The following ARMC8 variants were observed in gnomAD, a reference collection of about 807,000 sequenced individuals.
The protein encoded by ARMC8 is armadillo repeat-containing protein 8.
ARMC8 carries 20 observed loss-of-function variants against 99.3 expected under a neutral mutation model. The ratio of observed to expected loss-of-function variants is 0.20; its 90% CI spans 0.14 to 0.29. ARMC8 has a LOEUF of 0.29. ARMC8 is among the 10% of genes least tolerant of loss of function. The probability of loss-of-function intolerance (pLI) is 1.00; values close to 1 mark genes in which losing one functional copy is unlikely to be tolerated. For synonymous variants in ARMC8, 263 were observed against 278.3 expected, an observed-to-expected ratio of 0.95 and a Z score of 0.55; for missense variants, 569 against 809.5, an observed-to-expected ratio of 0.70 and a Z score of 3.60.
At position 138,288,913 on chromosome 3, in the gene ARMC8, AG is replaced by A. The variant is rs2050684635; in HGVS notation, c.1822-133del. 5 of 645,886 alleles carry A rather than the reference AG, an allele frequency of 7.7e-6. No homozygotes were observed. In the Admixed American group the frequency reaches 1.3e-4, roughly 17 times the overall value. 40.0% of individuals were successfully genotyped at this position (645,886 alleles called of 1,614,324 possible). On this transcript the variant is annotated intron_variant, in intron 19 of 21. Transcript: ENST00000469044. ...TGGTCTCCCAAAGTGCTGGGATTAC[AG>A]GCATGAGCCACCTCACCTGGCCCTG...
Position 138,270,079 on chromosome 3 carries a change from T to C in ARMC8, c.1426T>C (p.Leu476=), listed in dbSNP as rs2048649502. 6.2e-7 allele frequency: 1 copy of C among 1,613,644 alleles called. No individual in the cohort carries two copies. The highest frequency in any genetic ancestry group is 8.5e-7 in the Non-Finnish European group (1 of 1,179,774). Residue 476 remains leucine, a synonymous_variant, in exon 16 of 22, where the codon TTA becomes CTA. Coordinates refer to ENST00000469044, the MANE Select transcript of ARMC8 (RefSeq NM_001363941.2). ...AGGAGCCGTAGAGCTACTTTGTGGA[T>C]TAACTCAGAGTGAAAATCCTGCTTT... is the stretch of plus-strand genomic sequence containing the variant. The part of the protein sequence containing the change: ...ESGAVELLCG[L]TQSENPALRV...
intron 1 of ARMC8, among the ~76,000 whole-genome samples, chr3:138,201,478 C>T (rs1421464439): frequency 1.5e-4 from 6 of 39,882 alleles, no homozygotes; most frequent in East Asian, 1.3e-3. Context: ...TTTTTTTTTT[C>T]CTGAGACAGA....
At chr3:138,201,281 A>C (rs2107989677) in intron 1 of ARMC8, among the ~76,000 whole-genome samples, 1 of 151,496 alleles carries the variant, frequency 6.6e-6, no homozygotes, top group Non-Finnish European at 1.5e-5. Context: ...TGACCAACTC[A>C]GTTAAAAAAT....
intron 1 of ARMC8, among the ~76,000 whole-genome samples, chr3:138,208,099 T>TG (rs60247267): frequency 0.01 from 1,576 of 151,030 alleles, 10 homozygotes; most frequent in East Asian, 0.033. Context: ...TTTTTTTTTT[T>TG]TTGTTGTTGT....
At position 138,241,792 on chromosome 3, in the gene ARMC8, T is replaced by C; in HGVS notation, c.847T>C (p.Cys283Arg). Residue 283 changes from cysteine to arginine, a missense_variant, in exon 11 of 22, where the codon TGT becomes CGT. Cys to Arg is a radical substitution (Grantham distance 180, BLOSUM62 -3). Around this residue, in one of 2 missense-constraint regions of ARMC8, gnomAD observed 342 missense variants for 391.6 expected, o/e 0.87. Coordinates refer to ENST00000469044, the MANE Select transcript of ARMC8 (RefSeq NM_001363941.2). ...DNCIVLKTLP[C>R]LVRMCSKERL... ...TCTCACTACCTTTCAGACATTACCT[T>C]GTTTGGTTCGAATGTGCAGTAAGGA... is the stretch of plus-strand genomic sequence containing the variant. The C allele has an allele frequency of 6.2e-7, 1 of 1,613,796 alleles. No individual in the cohort carries two copies. Among genetic ancestry groups the C allele is most frequent in the Non-Finnish European group, 8.5e-7 (1 of 1,179,856 alleles).
intron 20 of ARMC8, among the ~76,000 whole-genome samples, chr3:138,289,848 C>CT: frequency 6.6e-6 from 1 of 152,270 alleles, no homozygotes; most frequent in East Asian, 1.9e-4. Context: ...TTCTGATTCA[C>CT]TGAGTCTAGA....
chr3:138,260,312 T>C (rs1576805434), intron 12 of ARMC8, among the ~76,000 whole-genome samples: 1 of 152,340 alleles, frequency 6.6e-6, no homozygotes, highest in East Asian at 1.9e-4. Context: ...CTTATTCACC[T>C]GCTGATTACA....
chr3:138,225,334 C>T (rs1000792486), intron 5 of ARMC8, among the ~76,000 whole-genome samples: 4 of 152,138 alleles, frequency 2.6e-5, no homozygotes, highest in Non-Finnish European at 4.4e-5. Context: ...TGGTCTGGAT[C>T]TCCTGACCTC....
In ARMC8 at chr3:138,284,542, CT is replaced by C. The variant is rs1170936511; in HGVS notation, c.1821+19del. ...GTATTACATGGTGAGCCCTTGTCCC[CT>C]TTCACCGTAGGATTAGAATGCAGGG... On this transcript the variant is annotated intron_variant, in intron 19 of 21. Coordinates refer to ENST00000469044, the MANE Select transcript of ARMC8 (RefSeq NM_001363941.2). The C allele has an allele frequency of 6.4e-7, 1 of 1,559,474 alleles. No homozygotes were observed. The highest frequency in any genetic ancestry group is 1.4e-5 in the African/African-American group (1 of 73,744).
intron 19 of ARMC8, among the ~76,000 whole-genome samples, chr3:138,286,554 C>T (rs1370599205): frequency 6.6e-6 from 1 of 152,178 alleles, no homozygotes; most frequent in Non-Finnish European, 1.5e-5. Flanking sequence ...CACGTGCTCT[C>T]CTGAGATCAG....
chr3:138,219,418 G>T (rs2045268513), intron 2 of ARMC8, among the ~76,000 whole-genome samples: 1 of 152,186 alleles, frequency 6.6e-6, no homozygotes, highest in Admixed American at 6.5e-5. Flanking sequence ...GGGGTTTCAG[G>T]GCATGCTTCC....
chr3:138,268,530 T>C (rs2048490010), intron 15 of ARMC8, among the ~76,000 whole-genome samples: 2 of 152,178 alleles, frequency 1.3e-5, no homozygotes, highest in African/African-American at 4.8e-5. Context: ...GTAGATGAGC[T>C]CAGGCAAAGG....
chr3:138,239,285 G>A (rs2046486360), intron 9 of ARMC8, 183 bp from the exon 10 acceptor site: 1 of 519,188 alleles, frequency 1.9e-6, no homozygotes, highest in Non-Finnish European at 3.4e-6. Context: ...GTATTTGTCA[G>A]TTAGTTTTCT....
intron 17 of ARMC8, 77 bp from the exon 18 acceptor site, chr3:138,274,372 T>G (rs1253314712): frequency 1.1e-6 from 1 of 932,498 alleles, no homozygotes; most frequent in Non-Finnish European, 1.7e-6. Flanking sequence ...ATCATATTGT[T>G]TTAACTTTTA....
chr3:138,264,266 C>G (rs1458902026), intron 14 of ARMC8, 54 bp downstream of exon 14: 9 of 1,413,324 alleles, frequency 6.4e-6, no homozygotes, highest in African/African-American at 1.4e-5. Context: ...CTAGAGTGAG[C>G]TGAGCTAGCT....
intron 1 of ARMC8, among the ~76,000 whole-genome samples, chr3:138,192,694 G>A (rs1484939578): frequency 6.6e-6 from 1 of 152,030 alleles, no homozygotes. Context: ...GGGACTACAG[G>A]TGTGTGCCAC....
intron 12 of ARMC8, chr3:138,261,300 C>G (rs977397478): frequency 6.6e-6 from 1 of 152,052 alleles, no homozygotes; most frequent in African/African-American, 2.4e-5. Flanking sequence ...GAGTTGGGGT[C>G]AAAATTAGCA....
chr3:138,264,102 G>A lies in ARMC8; in HGVS notation c.1218-29G>A, dbSNP rs368111389. On this transcript the variant is annotated intron_variant, in intron 13 of 21. Coordinates refer to ENST00000469044, the MANE Select transcript of ARMC8 (RefSeq NM_001363941.2). ...TGAAAAGTAAAAGTTTTGATTTCTT[G>A]TGAAGCTAATTTTGATTATTCTTTG... The A allele has an allele frequency of 3.8e-6, 6 of 1,595,198 alleles. No individual in the cohort carries two copies. In the African/African-American group the frequency reaches 4.0e-5, roughly 11 times the overall value.
At chr3:138,250,176 C>G (rs545062937) in intron 12 of ARMC8, among the ~76,000 whole-genome samples, 1 of 152,188 alleles carries the variant, frequency 6.6e-6, no homozygotes, top group East Asian at 1.9e-4. Context: ...GTCTTCTATC[C>G]TCTTTTTCCT....
Sources: allele counts gnomAD v4.1 joint callset (sites outside exome capture counted in the v4.1 genomes callset), GRCh38; gene constraint gnomAD v4.1.1; regional missense constraint gnomAD v4.1.1; transcripts MANE v1.5; gene names NCBI Gene and HGNC (gene_info 2026-07-23, HGNC 2026-07-21).